Variants in SCRN3 observed in about 807,000 individuals in gnomAD.
SCRN3 encodes secernin 3, also known as secernin-3.
A neutral mutation model predicts 43.1 loss-of-function variants in SCRN3; 39 were observed. The ratio of observed to expected loss-of-function variants is 0.91; its 90% confidence interval spans 0.70 to 1.18. The LOEUF is 1.18. SCRN3 is among the 50% of genes most tolerant of loss of function. SCRN3 has a pLI of 0.00. For missense variants in SCRN3, 484 were observed against 498.0 expected (o/e 0.97, Z 0.27); for synonymous variants, 147 against 163.1 (o/e 0.90, Z 0.75).
downstream of SCRN3, among the ~76,000 whole-genome samples, chr2:174,430,008 C>T (rs1489639870): frequency 6.6e-6 from 1 of 152,178 alleles, no homozygotes; most frequent in African/African-American, 2.4e-5. Context: ...TATACTACTA[C>T]TGAAGGACAT....
chr2:174,428,900 T>C lies in SCRN3; in HGVS notation c.*1005T>C, dbSNP rs982983624. 6.6e-6 allele frequency: 1 copy of C among 152,150 alleles called. No individual in the cohort carries two copies. The highest frequency in any genetic ancestry group is 2.4e-5 in the African/African-American group (1 of 41,440). The allele number at this position is 152,150 out of a possible 1,614,324, so 9.4% of individuals were successfully genotyped here. On this transcript the variant is annotated 3_prime_UTR_variant, in exon 8 of 8. Coordinates refer to ENST00000272732, the MANE Select transcript of SCRN3 (RefSeq NM_024583.5). ...ATCCAACTGAAAATAACACTAAGTA[T>C]TTTTGAGTTCCTAGAATGTCCATTT...
intron 6 of SCRN3, among the ~76,000 whole-genome samples, chr2:174,423,629 C>T (rs1686370955): frequency 6.6e-6 from 1 of 151,968 alleles, no homozygotes. Context: ...GCCACCACAC[C>T]CAGCTAATTT....
intron 5 of SCRN3, among the ~76,000 whole-genome samples, chr2:174,405,354 T>TTA (rs1685658310): frequency 8.6e-6 from 1 of 116,422 alleles, no homozygotes; most frequent in Non-Finnish European, 1.8e-5. Flanking sequence ...ATTCTGGATA[T>TTA]TAGCCCTTTG....
At chr2:174,415,019 C>T (rs1311830166) in intron 5 of SCRN3, among the ~76,000 whole-genome samples, 3 of 152,162 alleles carry the variant, frequency 2.0e-5, no homozygotes, top group Non-Finnish European at 4.4e-5. Context: ...CCCACCTTGG[C>T]CTCCCAAAGT....
chr2:174,422,974 A>G lies in SCRN3; in HGVS notation c.844A>G (p.Met282Val). 1 of 1,613,548 alleles carries G rather than the reference A, an allele frequency of 6.2e-7. No homozygotes were observed. The stretch of plus-strand genomic sequence containing the variant: ...GGGAGAATTCCTGACCACTGCAAGC[A>G]TGGTTTCTATTTTACCTCAAGACTC... ...MEGEFLTTASMVSILPQDSSL... is the reference protein window; with the variant it reads ...MEGEFLTTASVVSILPQDSSL... The change falls in exon 6 of 8, where the codon ATG (methionine) becomes GTG (valine). Residue 282 changes from methionine to valine, a missense_variant. Transcript: ENST00000272732.
Position 174,424,633 on chromosome 2 carries a change from T to C in SCRN3, c.1076T>C (p.Val359Ala), listed in dbSNP as rs757050709. ...LYQKHQQALE[V>A]VNNNEEKAKI... ...CAAAAACATCAACAGGCATTGGAAG[T>C]AGTAAATAATAATGAGGTATGCTAG... The change falls in exon 7 of 8, where the codon GTA becomes GCA. Residue 359 changes from valine (V) to alanine (A), a missense_variant. Val to Ala is a moderately conservative substitution (Grantham distance 64, BLOSUM62 0). Coordinates refer to ENST00000272732, the MANE Select transcript of SCRN3 (RefSeq NM_024583.5). 6.2e-7 allele frequency: 1 copy of C among 1,610,638 alleles called. No individual in the cohort carries two copies. The highest frequency in any genetic ancestry group is 2.2e-5 in the East Asian group (1 of 44,748).
At position 174,395,763 on chromosome 2, in the gene SCRN3, C is replaced by T. The variant is rs767689720; in HGVS notation, c.-64C>T. On this transcript the variant is annotated 5_prime_UTR_variant, in exon 1 of 8. Coordinates refer to ENST00000272732, the MANE Select transcript of SCRN3 (RefSeq NM_024583.5). ...TGACAGCTTCCGGCAACTGATGCCTCCACTGGCCACTCCTCCCTCCGTCCA... is the reference window on the plus strand; with the variant it reads ...TGACAGCTTCCGGCAACTGATGCCTTCACTGGCCACTCCTCCCTCCGTCCA... The T allele has an allele frequency of 7.0e-6, 11 of 1,581,164 alleles. No individual in the cohort carries two copies. Among genetic ancestry groups the T allele is most frequent in the South Asian group, 2.3e-5 (2 of 87,420 alleles).
intron 5 of SCRN3, chr2:174,410,200 C>T (rs1363989150): frequency 6.0e-5 from 9 of 150,138 alleles, no homozygotes; most frequent in African/African-American, 2.5e-5. Context: ...GCGCAATATT[C>T]GGGTGGGAGT....
intron 7 of SCRN3, among the ~76,000 whole-genome samples, chr2:174,425,583 T>C (rs1233293634): frequency 1.3e-5 from 2 of 152,212 alleles, no homozygotes; most frequent in Non-Finnish European, 2.9e-5. Context: ...ATTGTTTCTA[T>C]GCCTTTTTTT....
chr2:174,401,229 T>C (rs1161966171), intron 4 of SCRN3, 40 bp downstream of exon 4: 5 of 1,476,226 alleles, frequency 3.4e-6, no homozygotes, highest in Non-Finnish European at 4.7e-6. Flanking sequence ...TTTTTGCAAT[T>C]AATAAAATAC....
chr2:174,424,447 A>T, intron 6 of SCRN3, 28 bp from the exon 7 acceptor site: 5 of 1,455,798 alleles, frequency 3.4e-6, no homozygotes, highest in Non-Finnish European at 4.7e-6. Flanking sequence ...TATTGACATG[A>T]TAATTTAATA....
chr2:174,404,064 A>C (rs1223898857), intron 4 of SCRN3, 39 bp from the exon 5 acceptor site: 3 of 1,475,076 alleles, frequency 2.0e-6, no homozygotes, highest in African/African-American at 1.4e-5. Context: ...GTTAAATATG[A>C]CTTTTCTTCT....
At chr2:174,409,279 G>A (rs1002071123) in intron 5 of SCRN3, among the ~76,000 whole-genome samples, 3 of 138,464 alleles carry the variant, frequency 2.2e-5, no homozygotes, top group South Asian at 2.3e-4. Context: ...CATTCTTCAC[G>A]TAGTTCTCGA....
intron 5 of SCRN3, among the ~76,000 whole-genome samples, chr2:174,416,297 A>C (rs1376412200): frequency 2.6e-5 from 4 of 152,188 alleles, no homozygotes; most frequent in African/African-American, 9.7e-5. Flanking sequence ...TTTGGCATAT[A>C]CTTTGGTGGC....
intron 5 of SCRN3, among the ~76,000 whole-genome samples, chr2:174,418,710 A>G (rs1012634119): frequency 2.0e-5 from 3 of 152,176 alleles, no homozygotes; most frequent in Non-Finnish European, 2.9e-5. Context: ...CTTGCCATTT[A>G]TAGGAATTTG....
In SCRN3 at chr2:174,427,905, G is replaced by T; in HGVS notation, c.*10G>T. 1.3e-6 allele frequency: 2 copies of T among 1,518,116 alleles called. No individual in the cohort carries two copies. Among genetic ancestry groups the T allele is most frequent in the South Asian group, 2.3e-5 (2 of 86,642 alleles). The allele number at this position is 1,518,116 out of a possible 1,614,324, so 94.0% of individuals were successfully genotyped here. A position where few individuals can be genotyped will look rare whatever the true frequency, so the allele number is the denominator to read the frequency against. ...CAAAGTTAGTTCTTAGTGATCATATGGTCAGCTAATATTAGTTCTTAGTGA... is the reference window on the plus strand; with the variant it reads ...CAAAGTTAGTTCTTAGTGATCATATTGTCAGCTAATATTAGTTCTTAGTGA... On this transcript the variant is annotated 3_prime_UTR_variant, in exon 8 of 8. Coordinates refer to ENST00000272732, the MANE Select transcript of SCRN3 (RefSeq NM_024583.5).
intron 5 of SCRN3, among the ~76,000 whole-genome samples, chr2:174,420,094 A>T (rs989036845): frequency 1.3e-5 from 2 of 152,170 alleles, no homozygotes; most frequent in African/African-American, 4.8e-5. Flanking sequence ...ACTTCTAAGC[A>T]GCACATAGGT....
chr2:174,396,678 A>G (rs1350628378), intron 1 of SCRN3, among the ~76,000 whole-genome samples: 1 of 152,058 alleles, frequency 6.6e-6, no homozygotes, highest in African/African-American at 2.4e-5. Context: ...CGCGCCTGTA[A>G]TCCCAGCTAC....
rs1371374500 is a variant in SCRN3 at position 174,401,085 on chromosome 2, G to T, written c.437G>T (p.Gly146Val). 5.6e-6 allele frequency: 9 copies of T among 1,613,762 alleles called. No homozygotes were observed. Among genetic ancestry groups the T allele is most frequent in the Non-Finnish European group, 6.8e-6 (8 of 1,179,914 alleles). Residue 146 changes from glycine (G) to valine (V), a missense_variant, in exon 4 of 8, where the codon GGT (glycine) becomes GTT (valine). Gly to Val is a moderately radical substitution (Grantham distance 109, BLOSUM62 -3). Transcript: ENST00000272732. Reference protein sequence around the residue: ...KYGQGGNCTEGRMVFSYHNSF... With the variant: ...KYGQGGNCTEVRMVFSYHNSF... ...GGCCAGGGTGGAAATTGCACAGAGG[G>T]TAGAATGGTATTTAGCTATCACAAC...
Sources: gnomAD v4.1 joint callset for allele counts (sites outside exome capture counted in the v4.1 genomes callset) on GRCh38, gnomAD v4.1.1 for gene constraint, MANE v1.5 for transcripts, NCBI Gene and HGNC (gene_info 2026-07-23, HGNC 2026-07-21) for gene names.